The following XKR6 variants were observed in gnomAD, a reference collection of about 807,000 sequenced individuals.
The protein encoded by XKR6 is XK-related protein 6.
Under a neutral mutation model 56.7 loss-of-function variants are expected in XKR6, and 22 were observed. The ratio of observed to expected loss-of-function variants is 0.39; its 90% CI spans 0.28 to 0.55. XKR6 has a LOEUF of 0.55. Ranked by LOEUF, XKR6 falls within the 20% of genes least tolerant of loss-of-function variation. XKR6 has a pLI of 0.66. For synonymous variants in XKR6, 524 were observed against 387.8 expected, an observed-to-expected ratio of 1.35 and a Z score of -4.13; for missense variants, 852 against 889.0, an observed-to-expected ratio of 0.96 and a Z score of 0.53.
intron 1 of XKR6, among the ~76,000 whole-genome samples, chr8:10,969,505 T>C (rs911577311): frequency 6.6e-6 from 1 of 152,192 alleles, no homozygotes; most frequent in East Asian, 1.9e-4. Context: ...ATGGGAAATG[T>C]AGGTACGTGT....
chr8:11,104,902 T>G (rs1446923315), intron 1 of XKR6: 1 of 152,242 alleles, frequency 6.6e-6, no homozygotes, highest in African/African-American at 2.4e-5. Context: ...CACATATAAC[T>G]TTTGGAAGTC....
intron 2 of XKR6, among the ~76,000 whole-genome samples, chr8:10,911,917 G>C (rs1800384937): frequency 6.6e-6 from 1 of 150,442 alleles, no homozygotes; most frequent in African/African-American, 2.4e-5. Context: ...TATATAGAGA[G>C]GGAGGGTGAG....
At chr8:11,148,102 T>C (rs956836290) in intron 1 of XKR6, among the ~76,000 whole-genome samples, 3 of 151,808 alleles carry the variant, frequency 2.0e-5, no homozygotes, top group Non-Finnish European at 2.9e-5. Flanking sequence ...CCCAGCTACT[T>C]GGGAAGCTGA....
intron 1 of XKR6, among the ~76,000 whole-genome samples, chr8:11,026,880 T>C (rs1304277035): frequency 6.6e-6 from 1 of 151,824 alleles, no homozygotes; most frequent in Non-Finnish European, 1.5e-5. Context: ...TCTAGCCTGC[T>C]ACACCCTTAG....
chr8:10,916,494 C>G (rs1800567333), intron 2 of XKR6, among the ~76,000 whole-genome samples: 1 of 152,224 alleles, frequency 6.6e-6, no homozygotes, highest in African/African-American at 2.4e-5. Context: ...AAATCTCCCA[C>G]AAAGACAGAT....
chr8:10,963,589 T>C (rs924808548), intron 1 of XKR6, among the ~76,000 whole-genome samples: 4 of 151,818 alleles, frequency 2.6e-5, no homozygotes, highest in Admixed American at 6.6e-5. Context: ...TCACCCAGGC[T>C]GGAGTGCCAC....
chr8:11,143,328 A>C (rs942502629), intron 1 of XKR6, among the ~76,000 whole-genome samples: 2 of 152,202 alleles, frequency 1.3e-5, no homozygotes, highest in Admixed American at 6.5e-5. Flanking sequence ...ACATGGCAAG[A>C]CCAAGTCCCT....
intron 1 of XKR6, among the ~76,000 whole-genome samples, chr8:11,066,641 T>C (rs1563114489): frequency 1.3e-5 from 2 of 152,232 alleles, no homozygotes; most frequent in Non-Finnish European, 2.9e-5. Flanking sequence ...GAGGAAAGCT[T>C]TTCCTCCAAA....
chr8:10,961,377 C>T (rs1802055518), intron 1 of XKR6, among the ~76,000 whole-genome samples: 1 of 152,178 alleles, frequency 6.6e-6, no homozygotes, highest in Admixed American at 6.5e-5. Context: ...AGTCCAGAGA[C>T]ACTGACAACG....
chr8:10,914,666 C>G (rs1348314271), intron 2 of XKR6, among the ~76,000 whole-genome samples: 1 of 152,186 alleles, frequency 6.6e-6, no homozygotes, highest in African/African-American at 2.4e-5. Flanking sequence ...AGCAGTCTCC[C>G]TTGCAGCATC....
chr8:11,069,746 G>C (rs1352476434), intron 1 of XKR6, among the ~76,000 whole-genome samples: 1 of 152,092 alleles, frequency 6.6e-6, no homozygotes. Context: ...CTTTACTGCA[G>C]AGCCTCCAGA....
intron 2 of XKR6, among the ~76,000 whole-genome samples, chr8:10,906,413 C>T (rs1305780929): frequency 2.0e-5 from 3 of 152,232 alleles, no homozygotes; most frequent in Admixed American, 2.0e-4. Context: ...ATGTGGTCTT[C>T]ACATGCAGGG....
chr8:10,986,809 G>A (rs1333786588), intron 1 of XKR6, among the ~76,000 whole-genome samples: 1 of 151,188 alleles, frequency 6.6e-6, no homozygotes, highest in Non-Finnish European at 1.5e-5. Context: ...TTAAGAGATA[G>A]GGTTGACACT....
intron 1 of XKR6, among the ~76,000 whole-genome samples, chr8:10,994,062 G>A (rs1042052983): frequency 3.3e-5 from 5 of 152,150 alleles, no homozygotes; most frequent in African/African-American, 1.2e-4. Flanking sequence ...CCCCTTGGCT[G>A]GGCCCCTGAA....
chr8:11,082,121 G>A (rs764257895), intron 1 of XKR6, among the ~76,000 whole-genome samples: 4 of 152,186 alleles, frequency 2.6e-5, no homozygotes, highest in African/African-American at 4.8e-5. Context: ...TGCTGCCGTC[G>A]GGTGAGGAGC....
At chr8:10,906,324 C>A (rs185978395) in intron 2 of XKR6, among the ~76,000 whole-genome samples, 192 of 152,290 alleles carry the variant, frequency 1.3e-3, no homozygotes, top group African/African-American at 3.7e-3. Context: ...TCTTGAAAAG[C>A]TTGGTGGGTG....
chr8:10,989,467 G>A (rs1344531079), intron 1 of XKR6, among the ~76,000 whole-genome samples: 2 of 152,100 alleles, frequency 1.3e-5, no homozygotes, highest in Non-Finnish European at 2.9e-5. Context: ...ATTTAAAAAA[G>A]CAAATCCATT....
At chr8:10,974,650 ACT>A (rs1459053600) in intron 1 of XKR6, among the ~76,000 whole-genome samples, 1 of 152,002 alleles carries the variant, frequency 6.6e-6, no homozygotes, top group Non-Finnish European at 1.5e-5. Flanking sequence ...CACCTGGAAA[ACT>A]CTCTCATATT....
chr8:10,984,726 C>CTATATATATATATATA (rs1403239181), intron 1 of XKR6, among the ~76,000 whole-genome samples: 4 of 70,284 alleles, frequency 5.7e-5, no homozygotes, highest in African/African-American at 2.0e-4. Flanking sequence ...CTCTCTCTCT[C>CTATATATATATATATA]TCTCTCTATA....
Sources: gnomAD v4.1 joint callset for allele counts (sites outside exome capture counted in the v4.1 genomes callset) on GRCh38, gnomAD v4.1.1 for gene constraint, MANE v1.5 for transcripts, NCBI Gene and HGNC (gene_info 2026-07-23, HGNC 2026-07-21) for gene names.